The following RFX1 variants were observed in gnomAD, a reference collection of about 807,000 sequenced individuals.
RFX1 encodes MHC class II regulatory factor RFX1.
Under a neutral mutation model 119.6 loss-of-function variants are expected in RFX1, and 42 were observed. The ratio of observed to expected loss-of-function variants is 0.35; its 90% CI spans 0.27 to 0.45. RFX1 has a LOEUF of 0.45. RFX1 is among the 20% of genes least tolerant of loss of function. The pLI, the probability that RFX1 is intolerant of heterozygous loss-of-function variation, is 1.00. For missense variants in RFX1, 1,118 were observed against 1,368.1 expected (o/e 0.82, Z 2.88); for synonymous variants, 628 against 618.5 (o/e 1.02, Z -0.23).
intron 18 of RFX1, 60 bp downstream of exon 18, chr19:13,963,478 C>G (rs1973785390): frequency 6.6e-7 from 1 of 1,503,830 alleles, no homozygotes; most frequent in Non-Finnish European, 9.0e-7. Flanking sequence ...GCACCTGAGA[C>G]CCCCAGGGAC....
chr19:13,992,464 C>T (rs763428977), intron 2 of RFX1, among the ~76,000 whole-genome samples: 1 of 152,216 alleles, frequency 6.6e-6, no homozygotes, highest in African/African-American at 2.4e-5. Flanking sequence ...GCTCTCAACA[C>T]AGGTCCTGCG....
intron 1 of RFX1, among the ~76,000 whole-genome samples, chr19:14,004,541 T>G (rs1379579361): frequency 1.3e-5 from 2 of 152,078 alleles, no homozygotes; most frequent in Non-Finnish European, 2.9e-5. Flanking sequence ...GTCTAGCAAC[T>G]TGGCATTTCT....
rs1056719023 is a variant in RFX1 at position 13,961,876 on chromosome 19, C to G, written c.*819G>C. 6.6e-6 allele frequency: 1 copy of G among 152,308 alleles called. No homozygotes were observed. The highest frequency in any genetic ancestry group is 1.5e-5 in the Non-Finnish European group (1 of 68,078). The allele number at this position is 152,308 out of a possible 1,614,324, so 9.4% of individuals were successfully genotyped here. A position where few individuals can be genotyped will look rare whatever the true frequency, so the allele number is the denominator to read the frequency against. On this transcript the variant is annotated 3_prime_UTR_variant, in exon 21 of 21. Transcript: ENST00000254325. The stretch of plus-strand genomic sequence containing the variant: ...CTCCGCTCGGGCGGCGCTCACGAAT[C>G]GCACAATAGTCATGGGGTGGGGGTC...
At chr19:13,977,070 G>A (rs1187396537) in intron 8 of RFX1, among the ~76,000 whole-genome samples, 1 of 152,030 alleles carries the variant, frequency 6.6e-6, no homozygotes, top group Non-Finnish European at 1.5e-5. Context: ...GCTGAGACGG[G>A]TGGATCACGA....
intron 9 of RFX1, 91 bp downstream of exon 9, chr19:13,972,652 G>A (rs913994752): frequency 3.6e-5 from 34 of 948,744 alleles, no homozygotes; most frequent in Admixed American, 7.7e-5. Context: ...TCCTGCTAGC[G>A]GTGGTTGGTA....
chr19:13,992,539 G>A (rs1568479195), intron 2 of RFX1, among the ~76,000 whole-genome samples: 1 of 152,222 alleles, frequency 6.6e-6, no homozygotes, highest in Non-Finnish European at 1.5e-5. Context: ...CCTGGATCCT[G>A]CCCAAAACAA....
chr19:13,979,848 A>AC (rs1974372761), intron 6 of RFX1, among the ~76,000 whole-genome samples: 1 of 151,650 alleles, frequency 6.6e-6, no homozygotes. Flanking sequence ...TCGTCCCCAC[A>AC]CCCCCCAATG....
At position 13,983,236 on chromosome 19, in the gene RFX1, G is replaced by A; in HGVS notation, c.464C>T (p.Pro155Leu). The A allele has an allele frequency of 1.3e-6, 2 of 1,576,794 alleles. No homozygotes were observed. The highest frequency in any genetic ancestry group is 1.7e-6 in the Non-Finnish European group (2 of 1,165,690). Residue 155 changes from proline (P) to leucine (L), a missense_variant, in exon 4 of 21, where the codon CCA becomes CTA. Pro to Leu is a moderately conservative substitution (Grantham distance 98, BLOSUM62 -3). Coordinates refer to ENST00000254325, the MANE Select transcript of RFX1 (RefSeq NM_002918.5). ...CAGCTGGAGGGGCGACACGTGGCCT[G>A]GCTTGGCCTGCACGCTCGTCTGGAC... The part of the protein sequence containing the change: ...LLVQTSVQAK[P>L]GHVSPLQLTN...
In RFX1 at chr19:13,972,947, G is replaced by A. The variant is rs768684707; in HGVS notation, c.1110C>T (p.Thr370=). ...VSGSQVVASS[T]STGAGASNSS... is the part of the protein sequence containing the mutation. Reference sequence around the variant, plus strand: ...TGTTGCTGGCCCCAGCCCCAGTGCTGGTGGAGCTGGCGACGACCTGGCTGC... The same window carrying A: ...TGTTGCTGGCCCCAGCCCCAGTGCTAGTGGAGCTGGCGACGACCTGGCTGC... Residue 370 remains threonine, a synonymous_variant, in exon 9 of 21, where the codon ACC becomes ACT. Transcript: ENST00000254325. The A allele has an allele frequency of 6.3e-7, 1 of 1,599,438 alleles. No individual in the cohort carries two copies. The highest frequency in any genetic ancestry group is 1.7e-5 in the Admixed American group (1 of 59,942).
intron 2 of RFX1, among the ~76,000 whole-genome samples, chr19:13,987,894 C>G (rs1315883444): frequency 1.3e-5 from 2 of 152,172 alleles, no homozygotes; most frequent in Non-Finnish European, 2.9e-5. Flanking sequence ...AGAGTACCCT[C>G]CTGGGAACAC....
chr19:13,968,615 G>C lies in RFX1; in HGVS notation c.1682C>G (p.Thr561Arg), dbSNP rs543467989. The change falls in exon 12 of 21, where the codon ACG becomes AGG. Residue 561 changes from threonine (T) to arginine (R), a missense_variant. By Grantham distance (71) the Thr-to-Arg change is moderately conservative. Around this residue, in one of 5 missense-constraint regions of RFX1, gnomAD observed 338 missense variants for 508.9 expected, o/e 0.66. Transcript: ENST00000254325. This position sits in a 1 kb window ranked among gnomAD's most constrained non-coding sequence, Gnocchi z 5.5. ...CTGGGCGCTGATGTCCGACAGCCCC[G>C]TGCTCGGCTGCTGCCCCACCGCCAC... ...NGVAVGQQPS[T>R]GLSDISAQVQ... The C allele has an allele frequency of 5.6e-6, 9 of 1,613,154 alleles. No homozygotes were observed. In the Admixed American group the frequency reaches 1.0e-4, roughly 18 times the overall value.
intron 1 of RFX1, among the ~76,000 whole-genome samples, chr19:14,002,250 T>C (rs1317691125): frequency 6.8e-6 from 1 of 146,306 alleles, no homozygotes; most frequent in South Asian, 2.1e-4. Flanking sequence ...AGGAGGTGGA[T>C]GTTGCAGTGA....
rs374775054 is a variant in RFX1 at position 13,962,015 on chromosome 19, C to G, written c.*680G>C. The G allele has an allele frequency of 6.6e-6, 1 of 152,276 alleles. No individual in the cohort carries two copies. The highest frequency in any genetic ancestry group is 1.5e-5 in the Non-Finnish European group (1 of 68,106). The allele number at this position is 152,276 out of a possible 1,614,324, so 9.4% of individuals were successfully genotyped here. On this transcript the variant is annotated 3_prime_UTR_variant, in exon 21 of 21. Coordinates refer to ENST00000254325, the MANE Select transcript of RFX1 (RefSeq NM_002918.5). ...GGGGGCTGGGGTCTGTGGGCACTCC[C>G]CGGCTCCGCGGCTCGCTGCTCTTTG...
chr19:13,982,081 G>T, intron 5 of RFX1, 40 bp downstream of exon 5: 2 of 1,096,358 alleles, frequency 1.8e-6, no homozygotes, highest in Non-Finnish European at 2.4e-6. Context: ...GACCTCGGGA[G>T]ACAGCAGGGG....
chr19:13,970,797 A>T (rs1215207675), intron 9 of RFX1, among the ~76,000 whole-genome samples: 2 of 151,290 alleles, frequency 1.3e-5, no homozygotes, highest in African/African-American at 2.4e-5. Context: ...CAGCCTGGTC[A>T]ATATTGTGAA....
At chr19:14,001,011 C>T (rs1313953665) in intron 1 of RFX1, among the ~76,000 whole-genome samples, 2 of 152,056 alleles carry the variant, frequency 1.3e-5, no homozygotes, top group African/African-American at 2.4e-5. Context: ...GGTAGAATTG[C>T]TTGAACCCAG....
At chr19:14,003,384 G>A (rs1975277828) in intron 1 of RFX1, among the ~76,000 whole-genome samples, 1 of 152,068 alleles carries the variant, frequency 6.6e-6, no homozygotes, top group Non-Finnish European at 1.5e-5. Flanking sequence ...TGGATCCCTG[G>A]TATCCAGCTT....
chr19:13,990,797 T>A lies in RFX1; in HGVS notation c.319+2728A>T, dbSNP rs1482376188. Among the ~76,000 whole-genome samples the A allele has an allele frequency of 1.3e-5, 2 of 149,938 alleles. No homozygotes were observed. Among genetic ancestry groups the A allele is most frequent in the East Asian group, 3.9e-4 (2 of 5,064 alleles). ...CTGCCACTGCACTCCAGCCTGGGTGTCAGAGCGAGACTTTGTCTCAAAGAA... is the reference window on the plus strand; with the variant it reads ...CTGCCACTGCACTCCAGCCTGGGTGACAGAGCGAGACTTTGTCTCAAAGAA... On this transcript the variant is annotated intron_variant, in intron 2 of 20. Transcript: ENST00000254325. The surrounding 1 kb of genome is among the most constrained non-coding windows in gnomAD (Gnocchi z 4.1).
chr19:13,965,356 G>T lies in RFX1; in HGVS notation c.2211+93C>A. 1 of 1,107,692 alleles carries T rather than the reference G, an allele frequency of 9.0e-7. No homozygotes were observed. Among genetic ancestry groups the T allele is most frequent in the Non-Finnish European group, 1.4e-6 (1 of 739,898 alleles). 68.6% of individuals were successfully genotyped at this position (1,107,692 alleles called of 1,614,324 possible). On this transcript the variant is annotated intron_variant, in intron 16 of 20. Coordinates refer to ENST00000254325, the MANE Select transcript of RFX1 (RefSeq NM_002918.5). This position sits in a 1 kb window ranked among gnomAD's most constrained non-coding sequence, Gnocchi z 4.7. ...CTCCACAGGCATCATCCCTGGAACA[G>T]GCGTGGGGACAAATTTTACCGCCCC...
Sources: gnomAD v4.1 joint callset for allele counts (sites outside exome capture counted in the v4.1 genomes callset) on GRCh38, gnomAD v4.1.1 for gene constraint, gnomAD v4.1.1 regional missense constraint, Gnocchi (gnomAD v3.1) non-coding constraint, MANE v1.5 for transcripts, NCBI Gene and HGNC (gene_info 2026-07-23, HGNC 2026-07-21) for gene names.